TNFRSF19: variants seen among roughly 807,000 people sequenced by gnomAD.
TNFRSF19 encodes tumor necrosis factor receptor superfamily member 19.
TNFRSF19 carries 27 observed loss-of-function variants against 46.4 expected under a neutral mutation model. That is an observed-to-expected ratio of 0.58 (90% confidence interval 0.43 to 0.80). The LOEUF is 0.80. TNFRSF19 is among the 30% of genes least tolerant of loss of function. The pLI, the probability that TNFRSF19 is intolerant of heterozygous loss-of-function variation, is 0.00. For synonymous variants in TNFRSF19, 204 were observed against 205.0 expected (o/e 1.00, Z 0.04); for missense variants, 511 against 530.8 (o/e 0.96, Z 0.37).
At chr13:23,635,029 A>T (rs1882589025) in intron 5 of TNFRSF19, among the ~76,000 whole-genome samples, 1 of 152,284 alleles carries the variant, frequency 6.6e-6, no homozygotes, top group East Asian at 1.9e-4. Flanking sequence ...TGCCCTTCAC[A>T]TAATGGTCCA....
chr13:23,588,661 A>G (rs1047260010), intron 1 of TNFRSF19, among the ~76,000 whole-genome samples: 1 of 152,216 alleles, frequency 6.6e-6, no homozygotes, highest in African/African-American at 2.4e-5. Context: ...GTAAGATCGT[A>G]TCATGAAAGA....
chr13:23,635,321 G>A (rs1882612458), intron 5 of TNFRSF19, among the ~76,000 whole-genome samples: 1 of 152,314 alleles, frequency 6.6e-6, no homozygotes, highest in Admixed American at 6.5e-5. Flanking sequence ...ATGGAAGCTT[G>A]AAGTCAAATT....
intron 7 of TNFRSF19, among the ~76,000 whole-genome samples, chr13:23,661,071 T>C (rs1197167745): frequency 6.6e-6 from 1 of 152,158 alleles, no homozygotes; most frequent in East Asian, 1.9e-4. Flanking sequence ...TATTTTAGGT[T>C]TGGGGGTACA....
At chr13:23,628,392 T>A (rs920446480) in intron 5 of TNFRSF19, among the ~76,000 whole-genome samples, 1 of 152,188 alleles carries the variant, frequency 6.6e-6, no homozygotes, top group African/African-American at 2.4e-5. Context: ...GGACAAGCCC[T>A]CTTGCCAGTT....
intron 3 of TNFRSF19, among the ~76,000 whole-genome samples, chr13:23,609,776 A>T (rs1054551087): frequency 6.6e-6 from 1 of 152,190 alleles, no homozygotes; most frequent in African/African-American, 2.4e-5. Flanking sequence ...GGAAAGTTTT[A>T]AAAAAATTAA....
intron 6 of TNFRSF19, among the ~76,000 whole-genome samples, 186 bp from the exon 7 acceptor site, chr13:23,660,179 A>T (rs1428417095): frequency 6.6e-6 from 1 of 152,262 alleles, no homozygotes; most frequent in African/African-American, 2.4e-5. Context: ...AGTAATGGCA[A>T]CATTAGTACC....
At chr13:23,629,086 CTT>C (rs11389906) in intron 5 of TNFRSF19, among the ~76,000 whole-genome samples, 24 of 142,436 alleles carry the variant, frequency 1.7e-4, no homozygotes, top group Non-Finnish European at 2.1e-4. Context: ...CCACTTTGGG[CTT>C]TTTTTTTTTT....
In TNFRSF19 at chr13:23,650,621, TA is replaced by T. The variant is rs1883574216; in HGVS notation, c.446-8428del. ...GGAAAGGGAGTGACCACTTAATGGG[TA>T]TGGGGTTTCCTTTTGGGGAGATAAG... On this transcript the variant is annotated intron_variant, in intron 5 of 9. Coordinates refer to ENST00000248484, the MANE Select transcript of TNFRSF19 (RefSeq NM_148957.4). Among the ~76,000 whole-genome samples, 9 of 152,084 alleles carry T rather than the reference TA, an allele frequency of 5.9e-5. 2 individuals are homozygous for T. The South Asian group carries it at 1.9e-3, about 32-fold the overall frequency.
At chr13:23,614,769 A>ATATATATATATAT (rs59907466) in intron 3 of TNFRSF19, among the ~76,000 whole-genome samples, 83 of 147,072 alleles carry the variant, frequency 5.6e-4, no homozygotes, top group East Asian at 1.6e-3. Flanking sequence ...ATATATATAT[A>ATATATATATATAT]GTACCTGGCA....
At chr13:23,660,624 A>C in intron 7 of TNFRSF19, 134 bp downstream of exon 7, 1 of 1,057,748 alleles carries the variant, frequency 9.5e-7, no homozygotes, top group Non-Finnish European at 1.3e-6. Flanking sequence ...TAATCTTGTT[A>C]AATTATTCTC....
chr13:23,574,704 G>T (rs536713101), intron 1 of TNFRSF19, among the ~76,000 whole-genome samples: 17 of 152,252 alleles, frequency 1.1e-4, no homozygotes, highest in African/African-American at 4.1e-4. Context: ...TTAAAGGATG[G>T]TTCTTTAAAA....
At chr13:23,640,953 A>G (rs1321281931) in intron 5 of TNFRSF19, among the ~76,000 whole-genome samples, 1 of 152,172 alleles carries the variant, frequency 6.6e-6, no homozygotes, top group Non-Finnish European at 1.5e-5. Context: ...ATGTTCATTA[A>G]TGCTGTTATT....
chr13:23,579,347 T>A (rs1373760609), intron 1 of TNFRSF19: 3 of 152,530 alleles, frequency 2.0e-5, no homozygotes, highest in South Asian at 2.1e-4. Context: ...GGCGGGGCTC[T>A]GGGGTGGCGG....
At chr13:23,647,415 T>G (rs74747731) in intron 5 of TNFRSF19, among the ~76,000 whole-genome samples, 2,594 of 152,284 alleles carry the variant, frequency 0.017, 58 homozygotes, top group African/African-American at 0.058. Flanking sequence ...TTTATTGATT[T>G]ATTTAGAGAT....
chr13:23,579,046 G>A (rs868758543), intron 1 of TNFRSF19, among the ~76,000 whole-genome samples: 17 of 152,328 alleles, frequency 1.1e-4, no homozygotes, highest in Middle Eastern at 3.4e-3. Flanking sequence ...CTGAAAGGTG[G>A]GGAACACCCC....
chr13:23,578,121 G>A (rs1217404338), intron 1 of TNFRSF19, among the ~76,000 whole-genome samples: 1 of 152,184 alleles, frequency 6.6e-6, no homozygotes, highest in African/African-American at 2.4e-5. Context: ...GGAGATCCAG[G>A]TGTAGCTGGG....
chr13:23,591,413 A>C (rs1036831522), intron 2 of TNFRSF19, among the ~76,000 whole-genome samples: 1 of 152,174 alleles, frequency 6.6e-6, no homozygotes, highest in African/African-American at 2.4e-5. Flanking sequence ...AGATCACGCC[A>C]CTGCACTCTA....
At chr13:23,664,686 G>C (rs1330325117) in intron 7 of TNFRSF19, among the ~76,000 whole-genome samples, 1 of 152,194 alleles carries the variant, frequency 6.6e-6, no homozygotes, top group Non-Finnish European at 1.5e-5. Context: ...TCAGTTAAGT[G>C]TTCCAGTCTC....
rs148792167 is a variant in TNFRSF19 at position 23,650,428 on chromosome 13, G to A, written c.446-8622G>A. Among the ~76,000 whole-genome samples, 866 of 152,284 alleles carry A rather than the reference G, an allele frequency of 5.7e-3. 5 individuals are homozygous for A. Among genetic ancestry groups the A allele is most frequent in the South Asian group, 0.033 (159 of 4,826 alleles). On this transcript the variant is annotated intron_variant, in intron 5 of 9. Transcript: ENST00000248484. ...TTCAGTCATTAAAAAGTGAAGCTCCGATACAAGCTACACTGTGGATGAACC... is the reference window on the plus strand; with the variant it reads ...TTCAGTCATTAAAAAGTGAAGCTCCAATACAAGCTACACTGTGGATGAACC...
Sources: gnomAD v4.1 joint callset for allele counts (sites outside exome capture counted in the v4.1 genomes callset) on GRCh38, gnomAD v4.1.1 for gene constraint, MANE v1.5 for transcripts, NCBI Gene and HGNC (gene_info 2026-07-23, HGNC 2026-07-21) for gene names.